Variants in CPS1 observed in about 807,000 individuals in gnomAD.
CPS1 encodes the protein carbamoyl-phosphate synthase 1.
CPS1 carries 109 observed loss-of-function variants against 174.6 expected under a neutral mutation model. The ratio of observed to expected loss-of-function variants is 0.62; its 90% confidence interval spans 0.53 to 0.73. CPS1 has a LOEUF of 0.73. CPS1 is among the 30% of genes least tolerant of loss of function. The pLI is 0.00. For synonymous variants in CPS1, 637 were observed against 632.0 expected (o/e 1.01, Z -0.12); for missense variants, 1,689 against 1,821.9 (o/e 0.93, Z 1.33).
chr2:210,666,313 A>G (rs1336116908), intron 33 of CPS1, among the ~76,000 whole-genome samples: 2 of 149,840 alleles, frequency 1.3e-5, no homozygotes, highest in East Asian at 3.9e-4. Context: ...TTTGCTGTGC[A>G]GAAGCTCTTT....
intron 1 of CPS1, among the ~76,000 whole-genome samples, chr2:210,478,165 T>C (rs1469390088): frequency 6.6e-6 from 1 of 152,224 alleles, no homozygotes; most frequent in Non-Finnish European, 1.5e-5. Flanking sequence ...TGTTGTTAGA[T>C]TGCTTTCCAA....
intron 29 of CPS1, 124 bp from the exon 30 acceptor site, chr2:210,656,401 A>G (rs1700706217): frequency 2.8e-6 from 2 of 724,430 alleles, no homozygotes; most frequent in African/African-American, 1.8e-5. Flanking sequence ...TCAGGAATGT[A>G]GCAAGGGAAC....
chr2:210,478,909 C>T (rs1486542397), intron 1 of CPS1, among the ~76,000 whole-genome samples: 2 of 55,274 alleles, frequency 3.6e-5, no homozygotes, highest in Non-Finnish European at 9.3e-5. Flanking sequence ...CCCTCCCTCC[C>T]TCCTCCCCCC....
At chr2:210,530,505 G>A (rs1427683729) in intron 1 of CPS1, among the ~76,000 whole-genome samples, 4 of 151,970 alleles carry the variant, frequency 2.6e-5, no homozygotes, top group Non-Finnish European at 5.9e-5. Flanking sequence ...AGATTCTTTT[G>A]GTTCTGGCTT....
chr2:210,512,295 A>T (rs745741487), intron 1 of CPS1, among the ~76,000 whole-genome samples: 1 of 151,800 alleles, frequency 6.6e-6, no homozygotes, highest in Non-Finnish European at 1.5e-5. Context: ...GATACAAATG[A>T]TACCATCACC....
At chr2:210,670,677 G>A (rs1235823702) in intron 34 of CPS1, among the ~76,000 whole-genome samples, 2 of 152,096 alleles carry the variant, frequency 1.3e-5, no homozygotes, top group Admixed American at 1.3e-4. Flanking sequence ...AAATCCAATG[G>A]AAGGCATCTA....
intron 10 of CPS1, 99 bp downstream of exon 10, chr2:210,592,068 G>T: frequency 7.4e-7 from 1 of 1,343,558 alleles, no homozygotes; most frequent in Non-Finnish European, 1.0e-6. Context: ...TGAGATACAT[G>T]TGATATTTTG....
chr2:210,525,693 A>G (rs1695953043), intron 1 of CPS1, among the ~76,000 whole-genome samples: 1 of 151,610 alleles, frequency 6.6e-6, no homozygotes, highest in South Asian at 2.1e-4. Flanking sequence ...TGGAGATGTC[A>G]TACCAGTGAT....
intron 34 of CPS1, chr2:210,673,705 A>G (rs1176187036): frequency 6.6e-6 from 1 of 152,214 alleles, no homozygotes; most frequent in Non-Finnish European, 1.5e-5. Context: ...AGAACTATTA[A>G]TAGGCAAGTA....
chr2:210,545,008 C>T (rs11904031), intron 1 of CPS1, among the ~76,000 whole-genome samples: 65,744 of 151,748 alleles, frequency 0.43, 14,529 homozygotes, highest in Middle Eastern at 0.53. Context: ...CCATTTCTTT[C>T]CTTCAGAGGA....
chr2:210,548,573 G>A (rs1245188258), intron 1 of CPS1, among the ~76,000 whole-genome samples: 3 of 151,960 alleles, frequency 2.0e-5, no homozygotes, highest in African/African-American at 7.2e-5. Context: ...TGAAATCCAA[G>A]TAGGCACTTT....
intron 25 of CPS1, among the ~76,000 whole-genome samples, chr2:210,645,644 G>T (rs887005019): frequency 6.6e-6 from 1 of 152,090 alleles, no homozygotes; most frequent in African/African-American, 2.4e-5. Context: ...TTAGCTGGGC[G>T]TGGTGGTGCA....
chr2:210,493,494 C>A (rs537041485), intron 1 of CPS1, among the ~76,000 whole-genome samples: 1 of 152,260 alleles, frequency 6.6e-6, no homozygotes, highest in Admixed American at 6.5e-5. Context: ...TTGTTAGTCA[C>A]AATGTTTTAG....
intron 34 of CPS1, among the ~76,000 whole-genome samples, chr2:210,669,645 G>C (rs1250603892): frequency 2.6e-5 from 4 of 152,166 alleles, no homozygotes; most frequent in Non-Finnish European, 1.5e-5. Flanking sequence ...ACGGTGAATA[G>C]TTAGAGCAGA....
Position 210,612,313 on chromosome 2 carries a change from C to G in CPS1, c.2568+20C>G. ...GCCAAGGTAAGATGTTACAAGGGGCCCACAGCTACTAGTTGCTTTTCCAGA... is the reference window on the plus strand; with the variant it reads ...GCCAAGGTAAGATGTTACAAGGGGCGCACAGCTACTAGTTGCTTTTCCAGA... On this transcript the variant is annotated intron_variant, in intron 20 of 37. Transcript: ENST00000233072. The G allele has an allele frequency of 6.2e-7, 1 of 1,610,698 alleles. No individual in the cohort carries two copies. The highest frequency in any genetic ancestry group is 8.5e-7 in the Non-Finnish European group (1 of 1,177,672).
At chr2:210,592,479 C>T (rs565769148) in intron 10 of CPS1, among the ~76,000 whole-genome samples, 6 of 152,020 alleles carry the variant, frequency 3.9e-5, no homozygotes, top group Non-Finnish European at 8.8e-5. Context: ...CTGGGTGGGT[C>T]TCTGGGACTT....
At chr2:210,571,581 C>G (rs1283561205) in intron 1 of CPS1, among the ~76,000 whole-genome samples, 3 of 151,872 alleles carry the variant, frequency 2.0e-5, no homozygotes, top group Non-Finnish European at 4.4e-5. Context: ...TATACACACT[C>G]ACACATAAAC....
At chr2:210,629,438 C>A (rs905795174) in intron 21 of CPS1, among the ~76,000 whole-genome samples, 1 of 151,872 alleles carries the variant, frequency 6.6e-6, no homozygotes, top group Non-Finnish European at 1.5e-5. Context: ...CCTCAGCCTC[C>A]CGAGTAGCTC....
At chr2:210,482,980 A>G (rs532054546) in intron 1 of CPS1, among the ~76,000 whole-genome samples, 2 of 152,312 alleles carry the variant, frequency 1.3e-5, no homozygotes, top group South Asian at 4.1e-4. Flanking sequence ...TAGACTAAAT[A>G]TTGATCAACC....
Sources: allele counts gnomAD v4.1 joint callset (sites outside exome capture counted in the v4.1 genomes callset), GRCh38; gene constraint gnomAD v4.1.1; transcripts MANE v1.5; gene names NCBI Gene and HGNC (gene_info 2026-07-23, HGNC 2026-07-21).